Variants in GLIS3 observed in about 807,000 individuals in gnomAD.
GLIS3 encodes zinc finger protein GLIS3.
In GLIS3, 53 loss-of-function variants were observed where a neutral mutation model predicts 78.6. The observed-to-expected ratio is 0.67, with a 90% confidence interval of 0.54 to 0.85. The LOEUF is 0.85. Ranked by LOEUF, GLIS3 falls within the 40% of genes least tolerant of loss-of-function variation. The pLI, the probability that GLIS3 is intolerant of heterozygous loss-of-function variation, is 0.00. For synonymous variants in GLIS3, 684 were observed against 509.9 expected, an observed-to-expected ratio of 1.34 and a Z score of -4.60; for missense variants, 1,703 against 1,231.1, an observed-to-expected ratio of 1.38 and a Z score of -5.74.
chr9:4,054,213 A>C lies in GLIS3; in HGVS notation c.1710+63555T>G, dbSNP rs1005421377. On this transcript the variant is annotated intron_variant, in intron 4 of 10. Transcript: ENST00000381971. ...AGCAGGAAGCCTGTCCACACTCACC[A>C]GCAGAACATCAGCTCTGTGAGGGCA... The C allele has an allele frequency of 5.8e-6, 3 of 521,688 alleles. No homozygotes were observed. In the African/African-American group the frequency reaches 6.2e-5, roughly 11 times the overall value. The allele number at this position is 521,688 out of a possible 1,614,324, so 32.3% of individuals were successfully genotyped here.
At chr9:4,223,652 C>T (rs1821519714) in intron 2 of GLIS3, among the ~76,000 whole-genome samples, 1 of 152,200 alleles carries the variant, frequency 6.6e-6, no homozygotes, top group Non-Finnish European at 1.5e-5. Context: ...TGAATGTGAG[C>T]AAACAAGTTT....
chr9:4,435,687 C>T, the GLIS3 span, among the ~76,000 whole-genome samples: 10 of 152,176 alleles, frequency 6.6e-5, no homozygotes, highest in East Asian at 1.9e-4. Context: ...CGGTGGCTCA[C>T]GCCTGTAATC....
chr9:4,354,608 A>G, the GLIS3 span, among the ~76,000 whole-genome samples: 1 of 152,012 alleles, frequency 6.6e-6, no homozygotes, highest in Non-Finnish European at 1.5e-5. Context: ...GCACAGCCGC[A>G]CTCACATGGA....
chr9:4,131,631 G>C (rs1283861061), intron 2 of GLIS3, among the ~76,000 whole-genome samples: 1 of 152,168 alleles, frequency 6.6e-6, no homozygotes, highest in African/African-American at 2.4e-5. Context: ...TGCCATCATT[G>C]AAAGTTTCCT....
intron 3 of GLIS3, among the ~76,000 whole-genome samples, chr9:4,310,041 AATTT>A (rs1817322766): frequency 1.3e-5 from 2 of 152,346 alleles, no homozygotes; most frequent in African/African-American, 4.8e-5. Flanking sequence ...AACTATGACC[AATTT>A]ATCCTGAGGA....
chr9:4,217,325 TTAAAAA>T (rs1324111891), intron 2 of GLIS3, among the ~76,000 whole-genome samples: 1 of 152,216 alleles, frequency 6.6e-6, no homozygotes, highest in Admixed American at 6.5e-5. Flanking sequence ...ACTGTGGTAT[TTAAAAA>T]TAAAAATTTT....
At chr9:4,247,798 A>C (rs564143851) in intron 2 of GLIS3, among the ~76,000 whole-genome samples, 2 of 152,336 alleles carry the variant, frequency 1.3e-5, no homozygotes, top group South Asian at 4.1e-4. Flanking sequence ...TTTTACTTTT[A>C]TGTAGTACAA....
chr9:4,479,230 C>T, the GLIS3 span, among the ~76,000 whole-genome samples: 1 of 152,088 alleles, frequency 6.6e-6, no homozygotes, highest in East Asian at 1.9e-4. Context: ...CAGGCCTCAA[C>T]CTAGTCCCTT....
At chr9:4,434,673 A>G in the GLIS3 span, among the ~76,000 whole-genome samples, 2 of 152,326 alleles carry the variant, frequency 1.3e-5, no homozygotes, top group Admixed American at 6.5e-5. Flanking sequence ...ACTCCCCTCA[A>G]TCCAGATGTA....
At chr9:4,267,765 C>A (rs183898421) in intron 2 of GLIS3, among the ~76,000 whole-genome samples, 230 of 152,248 alleles carry the variant, frequency 1.5e-3, no homozygotes, top group Non-Finnish European at 2.6e-3. Context: ...ACAAAGAGTA[C>A]AGATTCAAAT....
At chr9:4,271,455 C>G (rs566909270) in intron 2 of GLIS3, among the ~76,000 whole-genome samples, 1 of 152,150 alleles carries the variant, frequency 6.6e-6, no homozygotes, top group African/African-American at 2.4e-5. Context: ...CTGTAGAACT[C>G]TGAGTAACAC....
the GLIS3 span, among the ~76,000 whole-genome samples, chr9:4,448,824 T>TA: frequency 6.6e-6 from 1 of 152,082 alleles, no homozygotes; most frequent in Non-Finnish European, 1.5e-5. Context: ...TTTGTTTGCT[T>TA]AAAAAAAGAA....
intron 4 of GLIS3, among the ~76,000 whole-genome samples, chr9:4,041,541 C>G (rs146253771): frequency 6.6e-6 from 1 of 152,176 alleles, no homozygotes; most frequent in Non-Finnish European, 1.5e-5. Flanking sequence ...GTGTGTGTGT[C>G]TCTGTGATGT....
the GLIS3 span, among the ~76,000 whole-genome samples, chr9:4,439,898 G>C: frequency 4.3e-4 from 65 of 152,258 alleles, no homozygotes; most frequent in African/African-American, 1.5e-3. Flanking sequence ...GCCCAGGCTG[G>C]TCTTGAACTC....
intron 4 of GLIS3, among the ~76,000 whole-genome samples, chr9:4,076,958 T>C (rs1177522376): frequency 1.3e-5 from 2 of 151,872 alleles, no homozygotes; most frequent in African/African-American, 2.4e-5. Context: ...ACTTGGGAGG[T>C]TGAGGTGGGA....
At chr9:4,295,909 T>C (rs1438170225) in intron 1 of GLIS3, among the ~76,000 whole-genome samples, 1 of 152,228 alleles carries the variant, frequency 6.6e-6, no homozygotes, top group Non-Finnish European at 1.5e-5. Flanking sequence ...GTCATCTTCC[T>C]TGAATGAGAA....
the GLIS3 span, among the ~76,000 whole-genome samples, chr9:4,418,496 T>C: frequency 2.2e-4 from 33 of 152,268 alleles, no homozygotes; most frequent in Non-Finnish European, 2.2e-4. Context: ...TAAAAACATA[T>C]TGGACCAGGC....
intron 4 of GLIS3, among the ~76,000 whole-genome samples, chr9:4,085,058 T>C (rs1828904765): frequency 2.0e-5 from 3 of 151,888 alleles, no homozygotes; most frequent in East Asian, 1.9e-4. Context: ...CATAAAATTA[T>C]ATACTCAACA....
chr9:4,355,045 G>T, the GLIS3 span, among the ~76,000 whole-genome samples: 1 of 151,600 alleles, frequency 6.6e-6, no homozygotes, highest in Non-Finnish European at 1.5e-5. Flanking sequence ...GAACCCTGGA[G>T]GCTTGAACCC....
Sources: allele counts gnomAD v4.1 joint callset (sites outside exome capture counted in the v4.1 genomes callset), GRCh38; gene constraint gnomAD v4.1.1; transcripts MANE v1.5; gene names NCBI Gene and HGNC (gene_info 2026-07-23, HGNC 2026-07-21).